Variants in RXFP2 observed in about 807,000 individuals in gnomAD.
RXFP2 encodes the protein relaxin receptor 2.
A neutral mutation model predicts 88.6 loss-of-function variants in RXFP2; 68 were observed. The ratio of observed to expected loss-of-function variants is 0.77; its 90% confidence interval spans 0.63 to 0.94. RXFP2 has a LOEUF of 0.94. Among genes scored for constraint, RXFP2 ranks in the 40% least tolerant of loss-of-function variants. The probability of loss-of-function intolerance (pLI) is 0.00; values close to 1 mark genes in which losing one functional copy is unlikely to be tolerated. For synonymous variants in RXFP2, 329 were observed against 306.8 expected (o/e 1.07, Z -0.76); for missense variants, 791 against 893.9 (o/e 0.88, Z 1.47).
chr13:31,779,824 T>G (rs569174119), intron 9 of RXFP2, among the ~76,000 whole-genome samples: 6 of 152,328 alleles, frequency 3.9e-5, no homozygotes, highest in East Asian at 3.9e-4. Context: ...TTAGGTGGTG[T>G]TGTGTTTATT....
chr13:31,747,070 T>C (rs1871456839), intron 1 of RXFP2, among the ~76,000 whole-genome samples: 1 of 152,210 alleles, frequency 6.6e-6, no homozygotes, highest in Non-Finnish European at 1.5e-5. Context: ...ACTCTTACTG[T>C]AATAACTAAA....
intron 5 of RXFP2, among the ~76,000 whole-genome samples, chr13:31,766,465 CAACCAGTGATATT>C (rs771432296): frequency 1.3e-5 from 2 of 152,000 alleles, no homozygotes; most frequent in Non-Finnish European, 2.9e-5. Context: ...AGGAGTTATG[CAACCAGTGATATT>C]AACATATCTG....
intron 11 of RXFP2, among the ~76,000 whole-genome samples, chr13:31,784,986 T>C (rs1280509627): frequency 6.6e-6 from 1 of 152,344 alleles, no homozygotes; most frequent in African/African-American, 2.4e-5. Context: ...AATCATTCCA[T>C]AACCCGGAGT....
chr13:31,797,226 C>A lies in RXFP2; in HGVS notation c.1812C>A (p.Ile604=), dbSNP rs1187629986. ...GTGTGAACTTGCTGGCTTTTCTCAT[C>A]ATTGTGTTTTCCTATATTACTATGT... ...FLGVNLLAFL[I]IVFSYITMFC... Residue 604 remains isoleucine, a synonymous_variant, in exon 17 of 18, where the codon ATC becomes ATA. Transcript: ENST00000298386. 6.2e-7 allele frequency: 1 copy of A among 1,613,536 alleles called. No homozygotes were observed. Among genetic ancestry groups the A allele is most frequent in the South Asian group, 1.1e-5 (1 of 91,066 alleles).
intron 1 of RXFP2, among the ~76,000 whole-genome samples, chr13:31,743,667 T>A (rs553831781): frequency 1.8e-4 from 28 of 151,838 alleles, no homozygotes; most frequent in Admixed American, 4.6e-4. Flanking sequence ...TTATTTATTC[T>A]CCCCTCCTCC....
At chr13:31,746,881 G>T (rs1316095293) in intron 1 of RXFP2, among the ~76,000 whole-genome samples, 1 of 152,118 alleles carries the variant, frequency 6.6e-6, no homozygotes, top group Non-Finnish European at 1.5e-5. Flanking sequence ...AAGAGCCACT[G>T]TAAAAGTATT....
At chr13:31,750,384 A>G (rs1871613086) in intron 1 of RXFP2, among the ~76,000 whole-genome samples, 1 of 152,210 alleles carries the variant, frequency 6.6e-6, no homozygotes, top group Non-Finnish European at 1.5e-5. Flanking sequence ...ACACTAAAAT[A>G]CTACTTTTCT....
In RXFP2 at chr13:31,786,390, T is replaced by C; in HGVS notation, c.937T>C (p.Ser313Pro). 6.2e-7 allele frequency: 1 copy of C among 1,605,120 alleles called. No homozygotes were observed. Among genetic ancestry groups the C allele is most frequent in the Non-Finnish European group, 8.5e-7 (1 of 1,171,848 alleles). Residue 313 changes from serine (S) to proline (P), a missense_variant, in exon 12 of 18, where the codon TCT (serine) becomes CCT (proline). Ser to Pro is a moderately conservative substitution (Grantham distance 74). Coordinates refer to ENST00000298386, the MANE Select transcript of RXFP2 (RefSeq NM_130806.5). Reference sequence around the variant, plus strand: ...TTTCATTGTCGTCAACAGGGATCTGTCTAGCAATACGATAACGGAACTATC... The same window carrying C: ...TTTCATTGTCGTCAACAGGGATCTGCCTAGCAATACGATAACGGAACTATC... ...SLKNLGELDL[S>P]SNTITELSPH...
chr13:31,802,538 T>C lies in RXFP2; in HGVS notation c.*133T>C, dbSNP rs541380711. On this transcript the variant is annotated 3_prime_UTR_variant, in exon 18 of 18. Coordinates refer to ENST00000298386, the MANE Select transcript of RXFP2 (RefSeq NM_130806.5). ...TGCACAGAGAGCACAGCAGAATGGC[T>C]CCTGTCACTGCATTCCAATGGCAGC... The C allele has an allele frequency of 1.0e-6, 1 of 965,240 alleles. No individual in the cohort carries two copies. The highest frequency in any genetic ancestry group is 1.3e-5 in the South Asian group (1 of 76,162). The allele number at this position is 965,240 out of a possible 1,614,324, so 59.8% of individuals were successfully genotyped here.
chr13:31,769,127 C>T (rs893029178), intron 5 of RXFP2, among the ~76,000 whole-genome samples: 51 of 152,084 alleles, frequency 3.4e-4, no homozygotes, highest in Non-Finnish European at 7.4e-5. Context: ...TGAAATTAAG[C>T]TTGTGGAGCT....
intron 11 of RXFP2, among the ~76,000 whole-genome samples, chr13:31,785,931 G>T (rs1035889437): frequency 6.6e-6 from 1 of 152,202 alleles, no homozygotes; most frequent in Non-Finnish European, 1.5e-5. Context: ...TATCTGGGCA[G>T]ATACTGAGTG....
intron 2 of RXFP2, among the ~76,000 whole-genome samples, chr13:31,759,139 A>T (rs1872127286): frequency 6.6e-6 from 1 of 151,758 alleles, no homozygotes; most frequent in African/African-American, 2.4e-5. Flanking sequence ...ATGTGCCAGG[A>T]GCTCTCCAAA....
intron 2 of RXFP2, among the ~76,000 whole-genome samples, chr13:31,759,375 G>GAGAAAGAAAGAAGAAAGAAAGAA (rs1872143788): frequency 4.4e-5 from 1 of 22,944 alleles, no homozygotes; most frequent in East Asian, 8.1e-4. Flanking sequence ...CATTTGGATT[G>GAGAAAGAAAGAAGAAAGAAAGAA]AGAAAGAAAG....
At chr13:31,756,874 G>A (rs1310305853) in intron 1 of RXFP2, among the ~76,000 whole-genome samples, 1 of 152,018 alleles carries the variant, frequency 6.6e-6, no homozygotes, top group African/African-American at 2.4e-5. Context: ...CCCCACCTCG[G>A]CCTCAAAGTG....
rs761606510 is a variant in RXFP2, at chr13:31,764,992, A to T, written c.320-45A>T. On this transcript the variant is annotated intron_variant, in intron 3 of 17. Transcript: ENST00000298386. ...GTTATTAAAGGCAAAGTCATAATTA[A>T]TGTATTTGTTTACTAGTGAAATCTT... The T allele has an allele frequency of 1.1e-5, 11 of 1,000,048 alleles. No individual in the cohort carries two copies. In the South Asian group the frequency reaches 1.4e-4, roughly 13 times the overall value. 61.9% of individuals were successfully genotyped at this position (1,000,048 alleles called of 1,614,324 possible). A position where few individuals can be genotyped will look rare whatever the true frequency, so the allele number is the denominator to read the frequency against.
chr13:31,757,685 A>C (rs1267265232), intron 1 of RXFP2, among the ~76,000 whole-genome samples: 1 of 152,250 alleles, frequency 6.6e-6, no homozygotes, highest in African/African-American at 2.4e-5. Flanking sequence ...ATTTCATACA[A>C]ATCTAGGACA....
intron 10 of RXFP2, 59 bp from the exon 11 acceptor site, chr13:31,782,617 G>A: frequency 2.4e-6 from 3 of 1,266,538 alleles, no homozygotes; most frequent in Non-Finnish European, 2.3e-6. Context: ...CTCTCCCAAT[G>A]AGAACTGATT....
At chr13:31,759,443 AAGATACTGT>A (rs1872191768) in intron 2 of RXFP2, among the ~76,000 whole-genome samples, 5 of 151,226 alleles carry the variant, frequency 3.3e-5, no homozygotes, top group African/African-American at 7.3e-5. Flanking sequence ...GAAAGAAAGA[AAGATACTGT>A]GAAATATTCT....
chr13:31,756,117 G>C (rs969649914), intron 1 of RXFP2, among the ~76,000 whole-genome samples: 1 of 152,090 alleles, frequency 6.6e-6, no homozygotes, highest in South Asian at 2.1e-4. Flanking sequence ...ACATAGCTTT[G>C]TTGCCTAAAC....
Sources: allele counts gnomAD v4.1 joint callset (sites outside exome capture counted in the v4.1 genomes callset), GRCh38; gene constraint gnomAD v4.1.1; transcripts MANE v1.5; gene names NCBI Gene and HGNC (gene_info 2026-07-23, HGNC 2026-07-21).